The following TMEM132B variants were observed in gnomAD, a reference collection of about 807,000 sequenced individuals.
The protein encoded by TMEM132B is transmembrane protein 132B.
A neutral mutation model predicts 90.8 loss-of-function variants in TMEM132B; 18 were observed. The ratio of observed to expected loss-of-function variants is 0.20; its 90% CI spans 0.14 to 0.29. TMEM132B has a LOEUF of 0.29. Ranked by LOEUF, TMEM132B falls within the 10% of genes least tolerant of loss-of-function variation. TMEM132B has a pLI of 1.00. For missense variants in TMEM132B, 1,096 were observed against 1,326.8 expected, an observed-to-expected ratio of 0.83 and a Z score of 2.70; for synonymous variants, 504 against 523.3, an observed-to-expected ratio of 0.96 and a Z score of 0.50.
intron 1 of TMEM132B, among the ~76,000 whole-genome samples, chr12:125,190,509 GTGGTGA>G (rs1287244308): frequency 7.4e-6 from 1 of 135,900 alleles, no homozygotes; most frequent in Non-Finnish European, 1.6e-5. Flanking sequence ...ATGGGAAGGG[GTGGTGA>G]TGGTGATGGG....
chr12:125,537,540 G>T (rs1883840052), intron 4 of TMEM132B, among the ~76,000 whole-genome samples: 1 of 152,156 alleles, frequency 6.6e-6, no homozygotes, highest in Non-Finnish European at 1.5e-5. Context: ...CTGCAGTGAG[G>T]GGCATCACTG....
intron 2 of TMEM132B, among the ~76,000 whole-genome samples, chr12:125,379,200 A>G (rs1256464545): frequency 6.6e-6 from 1 of 152,218 alleles, no homozygotes; most frequent in East Asian, 1.9e-4. Context: ...GTTATGTTAC[A>G]TGGCAAGGGG....
chr12:125,485,010 A>C (rs1406624226), intron 3 of TMEM132B, among the ~76,000 whole-genome samples: 2 of 152,188 alleles, frequency 1.3e-5, no homozygotes, highest in African/African-American at 4.8e-5. Context: ...TTACAACCAA[A>C]GATCACTAAT....
chr12:125,330,953 G>C (rs1213370082), intron 1 of TMEM132B, among the ~76,000 whole-genome samples: 1 of 152,228 alleles, frequency 6.6e-6, no homozygotes, highest in East Asian at 1.9e-4. Flanking sequence ...GTGTTTAAGG[G>C]GTTTCTGTTG....
At chr12:125,461,807 C>G (rs1353110191) in intron 3 of TMEM132B, among the ~76,000 whole-genome samples, 3 of 152,224 alleles carry the variant, frequency 2.0e-5, no homozygotes, top group African/African-American at 7.2e-5. Context: ...GCCAGGCCAC[C>G]CTTGCCTTCT....
At chr12:125,272,857 C>T (rs1205812980) in intron 1 of TMEM132B, among the ~76,000 whole-genome samples, 6 of 152,214 alleles carry the variant, frequency 3.9e-5, no homozygotes, top group African/African-American at 7.2e-5. Context: ...GAGTGTTCTG[C>T]GCAGAGCATG....
chr12:125,508,761 T>C (rs1434727610), intron 3 of TMEM132B, among the ~76,000 whole-genome samples: 2 of 151,966 alleles, frequency 1.3e-5, no homozygotes, highest in East Asian at 1.9e-4. Context: ...GAGTTTTCTT[T>C]TTTTTTCTTT....
Position 125,277,744 on chromosome 12 carries a change from T to C in TMEM132B, c.68-71708T>C, listed in dbSNP as rs375550578. 2.6e-5 allele frequency among the ~76,000 whole-genome samples: 4 copies of C among 152,312 alleles called. No individual in the cohort carries two copies. In the East Asian group the frequency reaches 7.7e-4, roughly 29 times the overall value. On this transcript the variant is annotated intron_variant, in intron 1 of 8. Transcript: ENST00000682704. This position sits in a 1 kb window ranked among gnomAD's most constrained non-coding sequence, Gnocchi z 4.3. Reference sequence around the variant, plus strand: ...ATGAGAGAATAAATTTCTGTTGTTATAAGCCATCCCATTTGTGGTAATTTG... The same window carrying C: ...ATGAGAGAATAAATTTCTGTTGTTACAAGCCATCCCATTTGTGGTAATTTG...
chr12:125,540,701 C>A (rs1170746162), intron 4 of TMEM132B, among the ~76,000 whole-genome samples: 1 of 152,210 alleles, frequency 6.6e-6, no homozygotes, highest in African/African-American at 2.4e-5. Flanking sequence ...GCATCTCTTG[C>A]CTGGTTTGTG....
chr12:125,652,586 T>A lies in TMEM132B; in HGVS notation c.2060T>A (p.Ile687Asn). ...CCACACCGAGCAGACAAAAGGGCCA[T>A]CGTCTCCACAGCTGCTGCCCTGGAT... ...LQPHRADKRA[I>N]VSTAAALDVL... Residue 687 changes from isoleucine (I) to asparagine (N), a missense_variant, in exon 8 of 9, where the codon ATC (isoleucine) becomes AAC (asparagine). By Grantham distance (149) the Ile-to-Asn change is moderately radical. Coordinates refer to ENST00000682704, the MANE Select transcript of TMEM132B (RefSeq NM_001366854.1). 1 of 1,613,752 alleles carries A rather than the reference T, an allele frequency of 6.2e-7. No individual in the cohort carries two copies. The highest frequency in any genetic ancestry group is 8.5e-7 in the Non-Finnish European group (1 of 1,179,754).
intron 2 of TMEM132B, among the ~76,000 whole-genome samples, chr12:125,372,859 C>T (rs1054342278): frequency 6.6e-6 from 1 of 152,254 alleles, no homozygotes; most frequent in East Asian, 1.9e-4. Flanking sequence ...CTTTTCTAGG[C>T]TCCTGGAACC....
At chr12:125,579,068 A>G (rs1884995260) in intron 4 of TMEM132B, among the ~76,000 whole-genome samples, 1 of 152,028 alleles carries the variant, frequency 6.6e-6, no homozygotes, top group South Asian at 2.1e-4. Flanking sequence ...TGGGACTGCA[A>G]TTGTGCTTAT....
chr12:125,620,520 G>A (rs753137260), intron 5 of TMEM132B, among the ~76,000 whole-genome samples: 1 of 151,954 alleles, frequency 6.6e-6, no homozygotes, highest in Non-Finnish European at 1.5e-5. Context: ...TTAATGTGCT[G>A]TCTTTCTCCA....
intron 3 of TMEM132B, among the ~76,000 whole-genome samples, chr12:125,467,129 C>T (rs1168021338): frequency 6.6e-6 from 1 of 152,196 alleles, no homozygotes; most frequent in African/African-American, 2.4e-5. Flanking sequence ...CTCTGTCAAC[C>T]ACTACCCTCC....
intron 1 of TMEM132B, among the ~76,000 whole-genome samples, chr12:125,208,523 C>T (rs1873236495): frequency 6.6e-6 from 1 of 152,234 alleles, no homozygotes; most frequent in Non-Finnish European, 1.5e-5. Flanking sequence ...GTGGACACTT[C>T]ATATACATGG....
At chr12:125,310,967 T>C (rs1392771032) in intron 1 of TMEM132B, among the ~76,000 whole-genome samples, 4 of 152,226 alleles carry the variant, frequency 2.6e-5, no homozygotes, top group Non-Finnish European at 4.4e-5. Flanking sequence ...TTCAATTATA[T>C]GCACCTGTTC....
chr12:125,403,820 C>T (rs1879385799), intron 2 of TMEM132B, among the ~76,000 whole-genome samples: 2 of 152,208 alleles, frequency 1.3e-5, no homozygotes. Flanking sequence ...GTTAACTTCA[C>T]CCTTAGTGAC....
Position 125,612,315 on chromosome 12 carries a change from A to T in TMEM132B, c.1437+28321A>T, listed in dbSNP as rs552851469. Among the ~76,000 whole-genome samples, 21 of 151,780 alleles carry T rather than the reference A, an allele frequency of 1.4e-4. No homozygotes were observed. The South Asian group carries it at 4.4e-3, about 32-fold the overall frequency. On this transcript the variant is annotated intron_variant, in intron 5 of 8. Transcript: ENST00000682704. ...TTGGTGAAACCCTGCCTCTACTAGA[A>T]ATACAAAAATACAGGTGCATGCCTG... is the stretch of plus-strand genomic sequence containing the variant.
At chr12:125,595,310 G>A (rs1187640492) in intron 5 of TMEM132B, among the ~76,000 whole-genome samples, 7 of 152,178 alleles carry the variant, frequency 4.6e-5, no homozygotes, top group Non-Finnish European at 1.5e-5. Context: ...TAATGGTGGA[G>A]CTTATTGGTG....
Sources: allele counts gnomAD v4.1 joint callset (sites outside exome capture counted in the v4.1 genomes callset), GRCh38; gene constraint gnomAD v4.1.1; non-coding constraint Gnocchi (gnomAD v3.1); transcripts MANE v1.5; gene names NCBI Gene and HGNC (gene_info 2026-07-23, HGNC 2026-07-21).